PAPPA2: variants seen among roughly 807,000 people sequenced by gnomAD.
The protein encoded by PAPPA2 is pappalysin 2.
In PAPPA2, 86 loss-of-function variants were observed where a neutral mutation model predicts 176.4. The observed-to-expected ratio is 0.49, with a 90% CI of 0.41 to 0.58. PAPPA2 has a LOEUF of 0.58. Ranked by LOEUF, PAPPA2 falls within the 20% of genes least tolerant of loss-of-function variation. The pLI is 0.00. For synonymous variants in PAPPA2, 809 were observed against 852.2 expected (o/e 0.95, Z 0.88); for missense variants, 2,073 against 2,256.9 (o/e 0.92, Z 1.65).
chr1:176,777,586 C>T (rs1664517678), intron 17 of PAPPA2, among the ~76,000 whole-genome samples: 1 of 152,096 alleles, frequency 6.6e-6, no homozygotes, highest in East Asian at 1.9e-4. Flanking sequence ...GTTAATTATA[C>T]AGGCTCTGGC....
At chr1:176,738,735 G>T (rs140980762) in intron 12 of PAPPA2, among the ~76,000 whole-genome samples, 1 of 152,250 alleles carries the variant, frequency 6.6e-6, no homozygotes, top group Non-Finnish European at 1.5e-5. Flanking sequence ...AACAAAAGTA[G>T]AATTACCATA....
chr1:176,721,852 T>A (rs563278969), intron 12 of PAPPA2, among the ~76,000 whole-genome samples: 1 of 152,236 alleles, frequency 6.6e-6, no homozygotes, highest in African/African-American at 2.4e-5. Flanking sequence ...TACTTTTTTT[T>A]TTCTTGGTTG....
intron 14 of PAPPA2, among the ~76,000 whole-genome samples, chr1:176,749,537 A>G (rs989636477): frequency 6.6e-5 from 10 of 152,190 alleles, no homozygotes; most frequent in African/African-American, 2.4e-4. Flanking sequence ...GTAATGATAC[A>G]TCATTACAGT....
At chr1:176,729,512 G>T in intron 12 of PAPPA2, among the ~76,000 whole-genome samples, 1 of 151,920 alleles carries the variant, frequency 6.6e-6, no homozygotes, top group Non-Finnish European at 1.5e-5. Flanking sequence ...AGAATCTCTG[G>T]GACACATTTA....
chr1:176,817,260 A>C (rs529470703), intron 21 of PAPPA2, among the ~76,000 whole-genome samples: 1 of 152,276 alleles, frequency 6.6e-6, no homozygotes, highest in African/African-American at 2.4e-5. Context: ...CAGAGAAAAT[A>C]CTATGAGCAC....
chr1:176,809,243 A>G (rs1407005450), intron 21 of PAPPA2, among the ~76,000 whole-genome samples: 1 of 152,222 alleles, frequency 6.6e-6, no homozygotes, highest in Non-Finnish European at 1.5e-5. Flanking sequence ...GAGATATTTT[A>G]TGTGTCATTA....
intron 5 of PAPPA2, chr1:176,691,260 C>G: frequency 1.2e-6 from 1 of 802,270 alleles, no homozygotes; most frequent in Non-Finnish European, 1.5e-6. Context: ...TGTTTGGTGA[C>G]AGGTTCTTCT....
chr1:176,538,425 T>C (rs952437162), intron 1 of PAPPA2, among the ~76,000 whole-genome samples: 1 of 152,134 alleles, frequency 6.6e-6, no homozygotes, highest in Admixed American at 6.5e-5. Context: ...AAGGTCACAT[T>C]GAGAGTAGAT....
At chr1:176,497,058 C>T (rs1386144709) in intron 1 of PAPPA2, among the ~76,000 whole-genome samples, 2 of 152,118 alleles carry the variant, frequency 1.3e-5, no homozygotes, top group African/African-American at 2.4e-5. Context: ...ACCTGTGACA[C>T]ATATATGTTC....
At position 176,594,873 on chromosome 1, in the gene PAPPA2, G is replaced by A; in HGVS notation, c.1269G>A (p.Leu423=). ...ATGGGCACTATTTCCGTGGACACCT[G>A]GGCACACTGGTTTTCTGGTCGACCG... ...SEDGHYFRGH[L]GTLVFWSTAL... Residue 423 remains leucine (L), a synonymous_variant, in exon 3 of 23, where the codon CTG becomes CTA. Transcript: ENST00000367662. 1.2e-6 allele frequency: 2 copies of A among 1,614,210 alleles called. No individual in the cohort carries two copies. The highest frequency in any genetic ancestry group is 1.7e-6 in the Non-Finnish European group (2 of 1,180,036).
At chr1:176,670,876 G>T in intron 3 of PAPPA2, 94 bp from the exon 4 acceptor site, 2 of 1,492,474 alleles carry the variant, frequency 1.3e-6, no homozygotes, top group South Asian at 2.4e-5. Flanking sequence ...AATGCTGGCT[G>T]GGAGTGCCAT....
At chr1:176,650,915 T>G (rs1657684763) in intron 3 of PAPPA2, among the ~76,000 whole-genome samples, 1 of 151,830 alleles carries the variant, frequency 6.6e-6, no homozygotes, top group Admixed American at 6.6e-5. Context: ...GAAAACATCT[T>G]ATAGATATAA....
intron 17 of PAPPA2, among the ~76,000 whole-genome samples, chr1:176,772,719 G>A (rs985611219): frequency 1.3e-5 from 2 of 152,132 alleles, no homozygotes; most frequent in Non-Finnish European, 2.9e-5. Context: ...ACAACCAAGA[G>A]CACATTTGCA....
intron 15 of PAPPA2, among the ~76,000 whole-genome samples, chr1:176,767,955 C>G (rs181392900): frequency 1.6e-4 from 25 of 152,270 alleles, no homozygotes; most frequent in African/African-American, 5.8e-4. Flanking sequence ...TTCTGGCAAG[C>G]AATGGAGAAA....
At chr1:176,638,670 AG>A (rs1573174777) in intron 3 of PAPPA2, among the ~76,000 whole-genome samples, 2 of 152,014 alleles carry the variant, frequency 1.3e-5, no homozygotes, top group African/African-American at 4.8e-5. Context: ...GAGAATTTCT[AG>A]CCCCTCCAAA....
At chr1:176,667,812 A>G (rs1658753493) in intron 3 of PAPPA2, among the ~76,000 whole-genome samples, 1 of 152,180 alleles carries the variant, frequency 6.6e-6, no homozygotes, top group Non-Finnish European at 1.5e-5. Flanking sequence ...TTCCTTCTTG[A>G]ATAATTCCTA....
At chr1:176,735,452 G>T (rs1662354260) in intron 12 of PAPPA2, among the ~76,000 whole-genome samples, 1 of 152,108 alleles carries the variant, frequency 6.6e-6, no homozygotes, top group Non-Finnish European at 1.5e-5. Context: ...CGCCACAAAG[G>T]ATGACCTGGA....
At chr1:176,483,885 G>C (rs553769409) in intron 1 of PAPPA2, among the ~76,000 whole-genome samples, 1 of 152,244 alleles carries the variant, frequency 6.6e-6, no homozygotes, top group South Asian at 2.1e-4. Context: ...GCTCCTGAGG[G>C]GAGGGCTTTC....
intron 14 of PAPPA2, among the ~76,000 whole-genome samples, chr1:176,758,345 G>A (rs75486288): frequency 0.03 from 4,535 of 152,290 alleles, 254 homozygotes; most frequent in African/African-American, 0.1. Flanking sequence ...GGAGGAAGCA[G>A]AATGGGGAGT....
Sources: allele counts gnomAD v4.1 joint callset (sites outside exome capture counted in the v4.1 genomes callset), GRCh38; gene constraint gnomAD v4.1.1; transcripts MANE v1.5; gene names NCBI Gene and HGNC (gene_info 2026-07-23, HGNC 2026-07-21).